The following ULK4 variants were observed in gnomAD, a reference collection of about 807,000 sequenced individuals.
ULK4 encodes inactive serine/threonine-protein kinase ULK4.
In ULK4, 133 loss-of-function variants were observed where a neutral mutation model predicts 160.6. The ratio of observed to expected loss-of-function variants is 0.83; its 90% CI spans 0.72 to 0.96. ULK4 has a LOEUF of 0.96. Among genes scored for constraint, ULK4 ranks in the 40% least tolerant of loss-of-function variants. ULK4 has a pLI of 0.00. For missense variants in ULK4, 1,580 were observed against 1,499.5 expected, an observed-to-expected ratio of 1.05 and a Z score of -0.89; for synonymous variants, 534 against 539.8, an observed-to-expected ratio of 0.99 and a Z score of 0.15.
At chr3:41,618,597 C>A (rs2033091561) in intron 30 of ULK4, among the ~76,000 whole-genome samples, 1 of 152,134 alleles carries the variant, frequency 6.6e-6, no homozygotes, top group Non-Finnish European at 1.5e-5. Flanking sequence ...CACTACCAGG[C>A]CTGCTTTACA....
chr3:41,666,719 A>G (rs1416195900), intron 29 of ULK4, among the ~76,000 whole-genome samples: 2 of 152,248 alleles, frequency 1.3e-5, no homozygotes, highest in African/African-American at 2.4e-5. Flanking sequence ...TCTTATTCAC[A>G]TGCTTGTGTG....
intron 21 of ULK4, among the ~76,000 whole-genome samples, chr3:41,772,043 ACC>A (rs1426578918): frequency 2.6e-5 from 4 of 152,202 alleles, no homozygotes; most frequent in Non-Finnish European, 4.4e-5. Context: ...TATTCTTTAT[ACC>A]AGAATCTCTG....
chr3:41,465,657 A>G (rs908165920), intron 32 of ULK4, among the ~76,000 whole-genome samples: 2 of 152,178 alleles, frequency 1.3e-5, no homozygotes, highest in African/African-American at 4.8e-5. Context: ...AACTGTTCCT[A>G]TATCCCTACA....
intron 21 of ULK4, among the ~76,000 whole-genome samples, chr3:41,771,141 A>G (rs920434278): frequency 1.3e-5 from 2 of 152,070 alleles, no homozygotes; most frequent in Non-Finnish European, 2.9e-5. Flanking sequence ...AAGTTTCCCT[A>G]CTCCCTTGCG....
chr3:41,658,487 C>G (rs1398610492), intron 30 of ULK4, among the ~76,000 whole-genome samples: 1 of 152,092 alleles, frequency 6.6e-6, no homozygotes, highest in Non-Finnish European at 1.5e-5. Flanking sequence ...CACATATGAT[C>G]AATGTCCTAT....
intron 27 of ULK4, among the ~76,000 whole-genome samples, chr3:41,691,034 T>C (rs577743375): frequency 1.3e-5 from 2 of 151,768 alleles, no homozygotes; most frequent in African/African-American, 4.8e-5. Flanking sequence ...TCTCCCTAGA[T>C]AGAAACACCT....
At chr3:41,338,082 T>A (rs1402960972) in intron 35 of ULK4, among the ~76,000 whole-genome samples, 1 of 152,242 alleles carries the variant, frequency 6.6e-6, no homozygotes, top group Non-Finnish European at 1.5e-5. Context: ...CAAAATAGCA[T>A]TTCTGCTTTG....
intron 18 of ULK4, among the ~76,000 whole-genome samples, chr3:41,825,656 A>G (rs2041320114): frequency 6.6e-6 from 1 of 152,248 alleles, no homozygotes; most frequent in South Asian, 2.1e-4. Flanking sequence ...ATACGGGACT[A>G]TGTGAAAAGG....
chr3:41,446,229 G>C (rs1200624744), intron 34 of ULK4, among the ~76,000 whole-genome samples: 1 of 152,150 alleles, frequency 6.6e-6, no homozygotes, highest in East Asian at 1.9e-4. Context: ...GGAAACAACA[G>C]GTGCCGAAGA....
intron 35 of ULK4, among the ~76,000 whole-genome samples, chr3:41,282,405 C>T (rs2079375070): frequency 6.6e-6 from 1 of 152,174 alleles, no homozygotes; most frequent in African/African-American, 2.4e-5. Context: ...AACTATACTA[C>T]AAGGCTACAG....
intron 30 of ULK4, among the ~76,000 whole-genome samples, chr3:41,652,734 C>T (rs557535022): frequency 8.5e-5 from 13 of 152,264 alleles, no homozygotes; most frequent in African/African-American, 2.9e-4. Flanking sequence ...ACACTGAGAA[C>T]GACTGTGTTG....
At chr3:41,444,313 T>C (rs1264342574) in intron 34 of ULK4, among the ~76,000 whole-genome samples, 1 of 152,034 alleles carries the variant, frequency 6.6e-6, no homozygotes, top group African/African-American at 2.4e-5. Flanking sequence ...TTAATTCTTT[T>C]GACCACTTTT....
chr3:41,270,629 T>C (rs936899050), intron 35 of ULK4, among the ~76,000 whole-genome samples: 14 of 152,218 alleles, frequency 9.2e-5, no homozygotes, highest in African/African-American at 3.4e-4. Context: ...TAACAAGTAT[T>C]GAGTGCTTAC....
intron 32 of ULK4, among the ~76,000 whole-genome samples, chr3:41,511,007 C>A (rs1407785070): frequency 1.3e-5 from 2 of 151,574 alleles, no homozygotes; most frequent in African/African-American, 2.4e-5. Context: ...CTAAAAAATA[C>A]AAAAAATTAG....
intron 31 of ULK4, among the ~76,000 whole-genome samples, chr3:41,602,304 A>G (rs1180134311): frequency 1.8e-4 from 21 of 116,966 alleles, no homozygotes; most frequent in African/African-American, 7.2e-4. Flanking sequence ...AGGAAAGGAA[A>G]GGAAAGGAAA....
chr3:41,498,527 T>A (rs1192351243), intron 32 of ULK4, among the ~76,000 whole-genome samples: 3 of 151,262 alleles, frequency 2.0e-5, no homozygotes, highest in Admixed American at 6.6e-5. Context: ...AGAACAGAAA[T>A]CAATTAAACA....
intron 32 of ULK4, among the ~76,000 whole-genome samples, chr3:41,512,506 C>T (rs1443019781): frequency 6.6e-6 from 1 of 152,130 alleles, no homozygotes; most frequent in Non-Finnish European, 1.5e-5. Context: ...AAATCAAGAA[C>T]TCAACCCTTT....
rs369059587 is a variant in ULK4, at chr3:41,484,458, C to CTTTTTTTTTTTTTTTT, written c.3227-21206_3227-21205insAAAAAAAAAAAAAAAA. On this transcript the variant is annotated intron_variant, in intron 32 of 36. Coordinates refer to ENST00000301831, the MANE Select transcript of ULK4 (RefSeq NM_017886.4). Reference sequence around the variant, plus strand: ...GAGTGACTTTTTTTTCTTTCTTTTCCTTTTTTTGTTTTGAGATGGAGTCTC... The same window carrying CTTTTTTTTTTTTTTTT: ...GAGTGACTTTTTTTTCTTTCTTTTCCTTTTTTTTTTTTTTTTTTTTTTTGTTTTGAGATGGAGTCTC... Among the ~76,000 whole-genome samples the CTTTTTTTTTTTTTTTT allele has an allele frequency of 9.5e-4, 128 of 134,866 alleles. 3 individuals carry two copies. The highest frequency in any genetic ancestry group is 4.1e-3 in the Middle Eastern group (1 of 246). The allele number at this position is 134,866 out of a possible 152,430, so 88.5% of individuals were successfully genotyped here. A position where few individuals can be genotyped will look rare whatever the true frequency, so the allele number is the denominator to read the frequency against.
chr3:41,721,232 A>G (rs1287382566), intron 22 of ULK4, among the ~76,000 whole-genome samples: 2 of 134,036 alleles, frequency 1.5e-5, no homozygotes. Flanking sequence ...TAATGGAAGC[A>G]GATGAGAAAT....
Sources: gnomAD v4.1 joint callset for allele counts (sites outside exome capture counted in the v4.1 genomes callset) on GRCh38, gnomAD v4.1.1 for gene constraint, MANE v1.5 for transcripts, NCBI Gene and HGNC (gene_info 2026-07-23, HGNC 2026-07-21) for gene names.